Variants in TYW1 observed in about 807,000 individuals in gnomAD.
TYW1 encodes tRNA-yW synthesizing protein 1 homolog, also known as S-adenosyl-L-methionine-dependent tRNA 4-demethylwyosine synthase TYW1.
A neutral mutation model predicts 96.2 loss-of-function variants in TYW1; 46 were observed. The ratio of observed to expected loss-of-function variants is 0.48; its 90% confidence interval spans 0.38 to 0.61. The LOEUF (loss-of-function observed/expected upper bound fraction) is 0.61. Ranked by LOEUF, TYW1 falls within the 20% of genes least tolerant of loss-of-function variation. TYW1 has a pLI of 0.00. For missense variants in TYW1, 684 were observed against 909.6 expected, an observed-to-expected ratio of 0.75 and a Z score of 3.19; for synonymous variants, 274 against 323.0, an observed-to-expected ratio of 0.85 and a Z score of 1.63.
At chr7:67,014,309 T>C in intron 4 of TYW1, 58 bp from the exon 5 acceptor site, 1 of 1,526,190 alleles carries the variant, frequency 6.6e-7, no homozygotes, top group Non-Finnish European at 8.8e-7. Flanking sequence ...AAGGATTTTC[T>C]TCATTGAGAT....
intron 8 of TYW1, among the ~76,000 whole-genome samples, chr7:67,054,016 G>A (rs1795438602): frequency 6.6e-6 from 1 of 152,204 alleles, no homozygotes; most frequent in African/African-American, 2.4e-5. Flanking sequence ...AGTAAGCCAA[G>A]GTAATGGGAG....
chr7:66,996,852 C>T lies in TYW1; in HGVS notation c.-127C>T. ...ACCGGCCTGGCAGTGTCATGGCTGC[C>T]CACAGGTCTGCAGGCACTCGGTACG... is the stretch of plus-strand genomic sequence containing the variant. On this transcript the variant is annotated 5_prime_UTR_variant, in exon 1 of 16. Transcript: ENST00000359626. The T allele has an allele frequency of 1.3e-6, 2 of 1,547,560 alleles. No individual in the cohort carries two copies. Among genetic ancestry groups the T allele is most frequent in the Non-Finnish European group, 1.8e-6 (2 of 1,138,216 alleles).
intron 12 of TYW1, among the ~76,000 whole-genome samples, chr7:67,100,009 A>G (rs185685561): frequency 2.0e-5 from 3 of 152,304 alleles, no homozygotes; most frequent in African/African-American, 2.4e-5. Flanking sequence ...ACTCAAAAAA[A>G]AAAAGATGCT....
intron 13 of TYW1, among the ~76,000 whole-genome samples, chr7:67,126,831 G>T (rs755225978): frequency 6.6e-6 from 1 of 152,056 alleles, no homozygotes; most frequent in Non-Finnish European, 1.5e-5. Flanking sequence ...TGGTCTATTT[G>T]TCTGTTCTTG....
At chr7:67,064,897 G>A (rs749495096) in intron 9 of TYW1, among the ~76,000 whole-genome samples, 2 of 152,168 alleles carry the variant, frequency 1.3e-5, no homozygotes, top group African/African-American at 2.4e-5. Context: ...AACAAATTCC[G>A]AAAAAGAGTG....
chr7:67,084,722 C>T (rs1164442018), intron 11 of TYW1, among the ~76,000 whole-genome samples: 1 of 152,094 alleles, frequency 6.6e-6, no homozygotes, highest in African/African-American at 2.4e-5. Flanking sequence ...GCCATGTTGT[C>T]CAGGCTGGTC....
chr7:67,189,421 CATGT>C (rs1226240802), intron 14 of TYW1, among the ~76,000 whole-genome samples: 2 of 151,072 alleles, frequency 1.3e-5, no homozygotes, highest in Non-Finnish European at 3.0e-5. Context: ...TGTGTATGTG[CATGT>C]GTGTGTGGTA....
chr7:67,075,011 T>G (rs1796158895), intron 10 of TYW1, among the ~76,000 whole-genome samples: 1 of 152,176 alleles, frequency 6.6e-6, no homozygotes. Flanking sequence ...TTTTAATAAC[T>G]GGGATTACAG....
intron 15 of TYW1, among the ~76,000 whole-genome samples, chr7:67,205,531 A>G (rs1800763818): frequency 6.6e-6 from 1 of 151,476 alleles, no homozygotes. Flanking sequence ...TGTAGTCTGT[A>G]TGACATTACA....
In TYW1 at chr7:67,180,632, C is replaced by CATTTATTTATTTATTTATTT. The variant is rs375057980; in HGVS notation, c.1699-2485_1699-2466dup. Among the ~76,000 whole-genome samples the CATTTATTTATTTATTTATTT allele has an allele frequency of 8.8e-3, 1,292 of 147,566 alleles. 19 individuals are homozygous for CATTTATTTATTTATTTATTT. Among genetic ancestry groups the CATTTATTTATTTATTTATTT allele is most frequent in the African/African-American group, 0.023 (910 of 39,506 alleles). On this transcript the variant is annotated intron_variant, in intron 13 of 15. Coordinates refer to ENST00000359626, the MANE Select transcript of TYW1 (RefSeq NM_018264.4). Reference sequence around the variant, plus strand: ...CTGTTAGTCCAACTAAATAGAAATGCATTTATTTATTTATTTATTTATTTA... The same window carrying CATTTATTTATTTATTTATTT: ...CTGTTAGTCCAACTAAATAGAAATGCATTTATTTATTTATTTATTTATTTATTTATTTATTTATTTATTTA...
At chr7:67,119,165 G>A (rs1353270967) in intron 13 of TYW1, among the ~76,000 whole-genome samples, 3 of 151,324 alleles carry the variant, frequency 2.0e-5, no homozygotes, top group Non-Finnish European at 4.4e-5. Context: ...ACTTTTCTAA[G>A]CGTTCTTTAT....
chr7:67,089,954 T>C (rs1312045387), intron 11 of TYW1, among the ~76,000 whole-genome samples: 1 of 152,194 alleles, frequency 6.6e-6, no homozygotes, highest in Non-Finnish European at 1.5e-5. Flanking sequence ...TTTCTTTAGC[T>C]CAATTTTCCA....
intron 11 of TYW1, among the ~76,000 whole-genome samples, chr7:67,089,843 CAG>C (rs1388646781): frequency 6.6e-6 from 1 of 152,118 alleles, no homozygotes; most frequent in Non-Finnish European, 1.5e-5. Context: ...AAAAGTGGGT[CAG>C]AATTTCAGTG....
intron 8 of TYW1, among the ~76,000 whole-genome samples, chr7:67,051,724 G>GTTTTTTTT (rs200899821): frequency 1.7e-5 from 2 of 118,208 alleles, no homozygotes; most frequent in South Asian, 2.7e-4. Context: ...GACTGTTTTT[G>GTTTTTTTT]TTTTTTTGTT....
intron 10 of TYW1, 119 bp from the exon 11 acceptor site, chr7:67,083,311 C>CAAGAG: frequency 1.1e-6 from 1 of 934,992 alleles, no homozygotes; most frequent in African/African-American, 1.7e-5. Context: ...CATGGTTGAA[C>CAAGAG]TCTTAGGAGG....
chr7:67,136,132 A>G (rs1313609715), intron 13 of TYW1, among the ~76,000 whole-genome samples: 1 of 152,224 alleles, frequency 6.6e-6, no homozygotes. Context: ...CATAGCCCAA[A>G]GTGGAGGTGA....
chr7:67,194,618 T>G (rs1268701754), intron 14 of TYW1, among the ~76,000 whole-genome samples: 1 of 143,758 alleles, frequency 7.0e-6, no homozygotes, highest in Non-Finnish European at 1.5e-5. Context: ...AGCAAGACTC[T>G]GACTCAAAAA....
At chr7:67,108,895 A>G (rs1340774094) in intron 12 of TYW1, among the ~76,000 whole-genome samples, 1 of 152,226 alleles carries the variant, frequency 6.6e-6, no homozygotes, top group Non-Finnish European at 1.5e-5. Flanking sequence ...ACCAATACCA[A>G]GAGATAATTA....
chr7:67,128,007 C>A (rs1280158761), intron 13 of TYW1, among the ~76,000 whole-genome samples: 1 of 152,070 alleles, frequency 6.6e-6, no homozygotes. Context: ...TTGAAACTTA[C>A]ATGCTTATCT....
Sources: gnomAD v4.1 joint callset for allele counts (sites outside exome capture counted in the v4.1 genomes callset) on GRCh38, gnomAD v4.1.1 for gene constraint, MANE v1.5 for transcripts, NCBI Gene and HGNC (gene_info 2026-07-23, HGNC 2026-07-21) for gene names.